Variants in DLG2 observed in about 807,000 individuals in gnomAD.
DLG2 encodes discs large MAGUK scaffold protein 2, also known as disks large homolog 2.
A neutral mutation model predicts 132.5 loss-of-function variants in DLG2; 45 were observed. The observed-to-expected ratio is 0.34, with a 90% CI of 0.27 to 0.44. The LOEUF (loss-of-function observed/expected upper bound fraction) is 0.44, where lower values mean the gene tolerates loss of function less well. Ranked by LOEUF, DLG2 falls within the 20% of genes least tolerant of loss-of-function variation. The pLI is 1.00. For missense variants in DLG2, 1,045 were observed against 1,196.9 expected (o/e 0.87, Z 1.87); for synonymous variants, 424 against 419.6 (o/e 1.01, Z -0.13).
intron 10 of DLG2, among the ~76,000 whole-genome samples, chr11:84,081,536 T>A (rs1395729811): frequency 6.6e-6 from 1 of 152,232 alleles, no homozygotes; most frequent in Non-Finnish European, 1.5e-5. Context: ...CCAAGTGTTC[T>A]CATTGTTAAA....
rs537298950 is a variant in DLG2, at chr11:85,405,997, G to T, written c.41-120632C>A. Among the ~76,000 whole-genome samples, 71 of 151,990 alleles carry T rather than the reference G, an allele frequency of 4.7e-4. 1 individual carries two copies. Among genetic ancestry groups the T allele is most frequent in the African/African-American group, 1.6e-3 (65 of 41,506 alleles). ...TTTCATGGAGGAAAAAACTAAGCTA[G>T]ATATACTCATTTTAAGTCAACAGTT... On this transcript the variant is annotated intron_variant, in intron 3 of 27. Coordinates refer to ENST00000376104, the MANE Select transcript of DLG2 (RefSeq NM_001142699.3).
chr11:85,405,169 C>A (rs1030763049), intron 3 of DLG2, among the ~76,000 whole-genome samples: 1 of 151,886 alleles, frequency 6.6e-6, no homozygotes. Context: ...TGTGCTCAGT[C>A]CCAGCTCTGC....
intron 7 of DLG2, among the ~76,000 whole-genome samples, chr11:84,274,822 A>G (rs938904752): frequency 8.5e-5 from 13 of 152,204 alleles, no homozygotes; most frequent in Non-Finnish European, 1.8e-4. Flanking sequence ...TTCAATATCA[A>G]TTCAACCAAC....
chr11:84,374,471 AT>A (rs1369452408), intron 7 of DLG2, among the ~76,000 whole-genome samples: 4 of 152,118 alleles, frequency 2.6e-5, no homozygotes, highest in Non-Finnish European at 4.4e-5. Flanking sequence ...ATATAATGAG[AT>A]TTTTTAATCT....
At chr11:84,229,308 C>T (rs2097056949) in intron 8 of DLG2, among the ~76,000 whole-genome samples, 1 of 152,160 alleles carries the variant, frequency 6.6e-6, no homozygotes, top group Non-Finnish European at 1.5e-5. Context: ...TAACCTCCTG[C>T]TTCCAAATTT....
At chr11:84,833,924 G>A (rs144600464) in intron 6 of DLG2, among the ~76,000 whole-genome samples, 3 of 151,732 alleles carry the variant, frequency 2.0e-5, no homozygotes, top group African/African-American at 7.2e-5. Flanking sequence ...AAAATTGGAT[G>A]TCAAGGGAAT....
At chr11:84,853,127 T>C (rs929493751) in intron 6 of DLG2, among the ~76,000 whole-genome samples, 1 of 151,996 alleles carries the variant, frequency 6.6e-6, no homozygotes, top group African/African-American at 2.4e-5. Context: ...GAGTGGTTAT[T>C]TGCTTTGAAC....
chr11:85,025,635 A>C (rs1325854159), intron 6 of DLG2, among the ~76,000 whole-genome samples: 1 of 152,198 alleles, frequency 6.6e-6, no homozygotes, highest in Non-Finnish European at 1.5e-5. Context: ...GAATTGCAAA[A>C]AATGTTGGAG....
intron 10 of DLG2, among the ~76,000 whole-genome samples, chr11:84,068,918 T>C (rs2096716937): frequency 6.6e-6 from 1 of 152,074 alleles, no homozygotes. Context: ...TCAAAGTTCA[T>C]GCCCTATACC....
intron 21 of DLG2, among the ~76,000 whole-genome samples, chr11:83,521,156 C>CAAAG (rs2095470754): frequency 6.6e-6 from 1 of 152,194 alleles, no homozygotes; most frequent in Non-Finnish European, 1.5e-5. Flanking sequence ...CATGGACCTC[C>CAAAG]AAAGAACAGT....
intron 6 of DLG2, chr11:84,545,194 C>G (rs550646063): frequency 4.4e-6 from 2 of 454,398 alleles, no homozygotes; most frequent in Non-Finnish European, 8.6e-6. Flanking sequence ...TCCTTGGTTT[C>G]ATGGTTTGGC....
intron 16 of DLG2, among the ~76,000 whole-genome samples, chr11:83,848,259 G>T (rs2059021304): frequency 6.6e-6 from 1 of 151,830 alleles, no homozygotes; most frequent in African/African-American, 2.4e-5. Context: ...ACCCCCTTGG[G>T]CCTCTAGCAT....
At chr11:84,107,184 CA>C (rs1000484014) in intron 9 of DLG2, among the ~76,000 whole-genome samples, 1 of 151,600 alleles carries the variant, frequency 6.6e-6, no homozygotes, top group African/African-American at 2.4e-5. Flanking sequence ...AGAGAGCACA[CA>C]AAAAAACATA....
At position 85,028,567 on chromosome 11, in the gene DLG2, G is replaced by T. The variant is rs78125491; in HGVS notation, c.357+83094C>A. On this transcript the variant is annotated intron_variant, in intron 6 of 27. Transcript: ENST00000376104. ...GCTCACGGGCACCCAAAGTCCAGAG[G>T]GGGGGCTGAGGGGGCAGAGGGCTGG... is the stretch of plus-strand genomic sequence containing the variant. 7.1e-4 allele frequency among the ~76,000 whole-genome samples: 108 copies of T among 152,232 alleles called. 1 individual carries two copies. Among genetic ancestry groups the T allele is most frequent in the African/African-American group, 2.3e-3 (96 of 41,552 alleles).
At chr11:84,823,340 G>C (rs2077919989) in intron 6 of DLG2, among the ~76,000 whole-genome samples, 1 of 151,610 alleles carries the variant, frequency 6.6e-6, no homozygotes, top group African/African-American at 2.4e-5. Context: ...GAATATAATA[G>C]GAGTTTGTCT....
chr11:84,396,784 A>G (rs1214362190), intron 7 of DLG2, among the ~76,000 whole-genome samples: 1 of 152,188 alleles, frequency 6.6e-6, no homozygotes, highest in African/African-American at 2.4e-5. Context: ...GGCAGCTAAC[A>G]ACCCTCACCC....
intron 6 of DLG2, among the ~76,000 whole-genome samples, chr11:85,087,656 G>A (rs1023924182): frequency 1.3e-5 from 2 of 151,148 alleles, no homozygotes; most frequent in Admixed American, 6.6e-5. Context: ...GGCTAACAAG[G>A]TGAAACCCCG....
chr11:85,613,159 C>T (rs553465255), intron 2 of DLG2, among the ~76,000 whole-genome samples: 3 of 152,328 alleles, frequency 2.0e-5, no homozygotes, highest in East Asian at 3.9e-4. Context: ...CCCATGGCAG[C>T]CATCTTGCTG....
intron 6 of DLG2, among the ~76,000 whole-genome samples, chr11:84,917,760 G>A (rs1221293222): frequency 6.6e-6 from 1 of 152,052 alleles, no homozygotes; most frequent in Non-Finnish European, 1.5e-5. Context: ...GTTAGAAATT[G>A]TAAATCTAAC....
Sources: gnomAD v4.1 joint callset for allele counts (sites outside exome capture counted in the v4.1 genomes callset) on GRCh38, gnomAD v4.1.1 for gene constraint, MANE v1.5 for transcripts, NCBI Gene and HGNC (gene_info 2026-07-23, HGNC 2026-07-21) for gene names.